The following ZNF804A variants were observed in gnomAD, a reference collection of about 807,000 sequenced individuals.
ZNF804A encodes zinc finger protein 804A.
In ZNF804A, 2 loss-of-function variants were observed where a neutral mutation model predicts 16.5. That is an observed-to-expected ratio of 0.12 (90% confidence interval 0.05 to 0.38). ZNF804A has a LOEUF of 0.38. ZNF804A is among the 10% of genes least tolerant of loss of function. The probability of loss-of-function intolerance (pLI) is 0.99; values close to 1 mark genes in which losing one functional copy is unlikely to be tolerated. For synonymous variants in ZNF804A, 534 were observed against 489.6 expected, an observed-to-expected ratio of 1.09 and a Z score of -1.20; for missense variants, 1,473 against 1,390.7, an observed-to-expected ratio of 1.06 and a Z score of -0.94.
intron 1 of ZNF804A, among the ~76,000 whole-genome samples, chr2:184,647,502 G>T (rs544611866): frequency 6.6e-6 from 1 of 152,082 alleles, no homozygotes; most frequent in African/African-American, 2.4e-5. Flanking sequence ...TCAATCTAAA[G>T]CAGTCCAGGA....
intron 1 of ZNF804A, among the ~76,000 whole-genome samples, chr2:184,811,564 G>T (rs913487924): frequency 6.6e-6 from 1 of 151,974 alleles, no homozygotes; most frequent in African/African-American, 2.4e-5. Context: ...TTTAAATATT[G>T]AAGCCAGGTG....
At chr2:184,628,671 G>T (rs1204565935) in intron 1 of ZNF804A, among the ~76,000 whole-genome samples, 1 of 151,846 alleles carries the variant, frequency 6.6e-6, no homozygotes, top group Non-Finnish European at 1.5e-5. Flanking sequence ...AAATACTTGT[G>T]TTTGAGTTCA....
chr2:184,935,699 T>G (rs1166695369), intron 3 of ZNF804A, 84 bp from the exon 4 acceptor site: 4 of 1,428,956 alleles, frequency 2.8e-6, no homozygotes, highest in Admixed American at 4.8e-5. Context: ...AATATTATAA[T>G]GACTTTTTAA....
At chr2:184,913,193 C>T (rs892602002) in intron 2 of ZNF804A, among the ~76,000 whole-genome samples, 1 of 151,984 alleles carries the variant, frequency 6.6e-6, no homozygotes, top group Non-Finnish European at 1.5e-5. Flanking sequence ...AGCTTTAGAC[C>T]TCCTTCTTTA....
chr2:184,607,739 A>C (rs913948727), intron 1 of ZNF804A, among the ~76,000 whole-genome samples: 6 of 152,162 alleles, frequency 3.9e-5, no homozygotes. Context: ...TGAGCTTTAA[A>C]TTGAGATATA....
intron 1 of ZNF804A, among the ~76,000 whole-genome samples, chr2:184,827,899 T>A (rs1244694540): frequency 6.6e-6 from 1 of 151,810 alleles, no homozygotes; most frequent in Non-Finnish European, 1.5e-5. Context: ...TTAAAAAATT[T>A]TTGTTTCTTT....
intron 2 of ZNF804A, among the ~76,000 whole-genome samples, chr2:184,868,774 C>T (rs573750953): frequency 2.0e-5 from 3 of 152,056 alleles, no homozygotes; most frequent in African/African-American, 7.2e-5. Context: ...TTTTGAGAGA[C>T]ATTTCAGCTT....
At chr2:184,766,174 T>A (rs1694123902) in intron 1 of ZNF804A, among the ~76,000 whole-genome samples, 1 of 152,162 alleles carries the variant, frequency 6.6e-6, no homozygotes, top group Non-Finnish European at 1.5e-5. Context: ...TACTATAATT[T>A]CTAAGTTGCT....
chr2:184,812,367 A>C (rs1244034833), intron 1 of ZNF804A, among the ~76,000 whole-genome samples: 1 of 152,166 alleles, frequency 6.6e-6, no homozygotes, highest in African/African-American at 2.4e-5. Context: ...ACTCAAGGAG[A>C]GCAGAAAACA....
chr2:184,852,340 G>A (rs1421246558), intron 1 of ZNF804A, among the ~76,000 whole-genome samples: 6 of 150,792 alleles, frequency 4.0e-5, no homozygotes, highest in East Asian at 2.0e-4. Flanking sequence ...ACTACTGAAA[G>A]CAAAACTATG....
intron 1 of ZNF804A, among the ~76,000 whole-genome samples, chr2:184,759,754 C>A: frequency 6.6e-6 from 1 of 151,936 alleles, no homozygotes; most frequent in East Asian, 2.0e-4. Flanking sequence ...TAACTGATGA[C>A]ATTACCTTGT....
At chr2:184,731,718 C>A (rs925640155) in intron 1 of ZNF804A, among the ~76,000 whole-genome samples, 2 of 151,640 alleles carry the variant, frequency 1.3e-5, no homozygotes, top group Non-Finnish European at 2.9e-5. Context: ...TACAGGCATG[C>A]GCCACACTAC....
At chr2:184,755,700 AT>A (rs1693949563) in intron 1 of ZNF804A, among the ~76,000 whole-genome samples, 1 of 151,974 alleles carries the variant, frequency 6.6e-6, no homozygotes, top group South Asian at 2.1e-4. Flanking sequence ...AGCAATGAAT[AT>A]TTTTAAAGCC....
intron 2 of ZNF804A, among the ~76,000 whole-genome samples, chr2:184,933,048 C>T (rs1685727608): frequency 6.6e-6 from 1 of 151,964 alleles, no homozygotes; most frequent in Non-Finnish European, 1.5e-5. Flanking sequence ...AAATAATGTA[C>T]TCTCAGAACA....
chr2:184,735,147 T>C (rs74872971), intron 1 of ZNF804A, among the ~76,000 whole-genome samples: 6,231 of 152,218 alleles, frequency 0.041, 418 homozygotes, highest in African/African-American at 0.14. Context: ...ATTTAGTCCA[T>C]TGGTGTTTAA....
Position 184,936,556 on chromosome 2 carries a change from C to G in ZNF804A, c.1160C>G (p.Thr387Arg), listed in dbSNP as rs750149492. The G allele has an allele frequency of 2.5e-6, 4 of 1,613,870 alleles. No homozygotes were observed. Among genetic ancestry groups the G allele is most frequent in the Non-Finnish European group, 3.4e-6 (4 of 1,179,952 alleles). ...AATGTTAAGCATAACGAGGCATCCA[C>G]AACTGAGGTTGAAAATAAAAATGGT... is the stretch of plus-strand genomic sequence containing the variant. ...EENVKHNEAS[T>R]TEVENKNGPE... The change falls in exon 4 of 4, where the codon ACA becomes AGA. Residue 387 changes from threonine to arginine, a missense_variant. Transcript: ENST00000302277.
intron 1 of ZNF804A, among the ~76,000 whole-genome samples, chr2:184,701,521 T>C (rs532466916): frequency 6.6e-6 from 1 of 152,012 alleles, no homozygotes; most frequent in South Asian, 2.1e-4. Flanking sequence ...TTGATTCAAA[T>C]GAGGTTAGCT....
chr2:184,720,445 A>T, intron 1 of ZNF804A, among the ~76,000 whole-genome samples: 1 of 152,152 alleles, frequency 6.6e-6, no homozygotes, highest in African/African-American at 2.4e-5. Flanking sequence ...AAAACCAGTA[A>T]TTTTTCTACA....
chr2:184,604,867 T>C (rs1691116656), intron 1 of ZNF804A, among the ~76,000 whole-genome samples: 1 of 152,130 alleles, frequency 6.6e-6, no homozygotes, highest in Non-Finnish European at 1.5e-5. Context: ...AAGTCAAATA[T>C]CTAGGATCTC....
Sources: allele counts gnomAD v4.1 joint callset (sites outside exome capture counted in the v4.1 genomes callset), GRCh38; gene constraint gnomAD v4.1.1; transcripts MANE v1.5; gene names NCBI Gene and HGNC (gene_info 2026-07-23, HGNC 2026-07-21).